Variants in MYO3B observed in about 807,000 individuals in gnomAD.
The protein encoded by MYO3B is myosin IIIB.
A neutral mutation model predicts 174.6 loss-of-function variants in MYO3B; 156 were observed. That is an observed-to-expected ratio of 0.89 (90% CI 0.78 to 1.02). The LOEUF is 1.02. MYO3B is among the 50% of genes least tolerant of loss of function. The pLI is 0.00. For missense variants in MYO3B, 1,632 were observed against 1,639.4 expected (o/e 1.00, Z 0.08); for synonymous variants, 563 against 569.1 (o/e 0.99, Z 0.15).
chr2:170,645,468 CAAAAA>C (rs55720994), intron 32 of MYO3B, among the ~76,000 whole-genome samples: 3 of 66,412 alleles, frequency 4.5e-5, no homozygotes, highest in South Asian at 5.2e-4. Flanking sequence ...GGCTCCGTCT[CAAAAA>C]AAAAAAAAAA....
At chr2:170,305,922 T>G (rs1225027688) in intron 7 of MYO3B, among the ~76,000 whole-genome samples, 2 of 152,092 alleles carry the variant, frequency 1.3e-5, no homozygotes, top group Non-Finnish European at 2.9e-5. Context: ...GCGATAAACA[T>G]TTTATTGCAT....
intron 22 of MYO3B, chr2:170,412,557 G>A (rs1231806045): frequency 6.6e-6 from 1 of 152,010 alleles, no homozygotes; most frequent in Non-Finnish European, 1.5e-5. Context: ...TTTTTTGGAT[G>A]GGGGAGACAA....
At chr2:170,510,803 T>G (rs1687930642) in intron 28 of MYO3B, among the ~76,000 whole-genome samples, 1 of 152,224 alleles carries the variant, frequency 6.6e-6, no homozygotes, top group Non-Finnish European at 1.5e-5. Flanking sequence ...GTCTTGTCCT[T>G]ATAGTCTTGA....
intron 30 of MYO3B, among the ~76,000 whole-genome samples, chr2:170,529,995 G>A (rs1219177297): frequency 6.6e-6 from 1 of 152,114 alleles, no homozygotes; most frequent in Non-Finnish European, 1.5e-5. Flanking sequence ...AAACAAATAT[G>A]CCAATATATT....
chr2:170,523,941 A>C (rs1464790881), intron 30 of MYO3B, among the ~76,000 whole-genome samples: 1 of 152,202 alleles, frequency 6.6e-6, no homozygotes, highest in Non-Finnish European at 1.5e-5. Flanking sequence ...CAAAGAAGAA[A>C]GGAAGAGGGA....
Position 170,310,190 on chromosome 2 carries a change from G to A in MYO3B, c.750-25195G>A, listed in dbSNP as rs551304075. ...TCCATTGATGAACATTTGAGCTCTC[G>A]ACGAAAAGCGTCAAACTCTGTAAAA... On this transcript the variant is annotated intron_variant, in intron 7 of 34. Transcript: ENST00000408978. Among the ~76,000 whole-genome samples the A allele has an allele frequency of 1.2e-3, 178 of 152,208 alleles. 1 individual carries two copies. Among genetic ancestry groups the A allele is most frequent in the African/African-American group, 4.0e-3 (164 of 41,516 alleles).
chr2:170,463,068 A>G (rs560946244), intron 23 of MYO3B, among the ~76,000 whole-genome samples: 20 of 152,378 alleles, frequency 1.3e-4, no homozygotes, highest in Middle Eastern at 3.4e-3. Flanking sequence ...TTGGTCTCAT[A>G]TGACCTTACT....
intron 28 of MYO3B, among the ~76,000 whole-genome samples, chr2:170,512,949 T>G (rs1575099032): frequency 6.6e-6 from 1 of 152,326 alleles, no homozygotes; most frequent in Admixed American, 6.5e-5. Context: ...AGTCGCTCTC[T>G]TTTAGGGTTA....
chr2:170,623,320 C>G (rs1696098190), intron 32 of MYO3B, among the ~76,000 whole-genome samples: 1 of 152,134 alleles, frequency 6.6e-6, no homozygotes, highest in Non-Finnish European at 1.5e-5. Flanking sequence ...TCTCTGATGG[C>G]CAGTGATGAT....
At chr2:170,270,411 G>A (rs1338678708) in intron 7 of MYO3B, among the ~76,000 whole-genome samples, 1 of 152,078 alleles carries the variant, frequency 6.6e-6, no homozygotes, top group Non-Finnish European at 1.5e-5. Flanking sequence ...AAAAATGATA[G>A]GGTTTAGAAC....
chr2:170,358,759 T>A (rs1158050780), intron 8 of MYO3B, among the ~76,000 whole-genome samples: 2 of 152,188 alleles, frequency 1.3e-5, no homozygotes, highest in Non-Finnish European at 1.5e-5. Context: ...TTTGGGATTG[T>A]GGGTCTCCAA....
intron 32 of MYO3B, among the ~76,000 whole-genome samples, chr2:170,634,620 G>A: frequency 1.3e-5 from 2 of 152,296 alleles, no homozygotes; most frequent in Middle Eastern, 6.8e-3. Context: ...TTGACAAATG[G>A]GATCTAATTA....
chr2:170,347,719 A>G (rs2094027731), intron 8 of MYO3B, among the ~76,000 whole-genome samples: 1 of 152,202 alleles, frequency 6.6e-6, no homozygotes, highest in African/African-American at 2.4e-5. Flanking sequence ...TCATGATGCT[A>G]GAGTGTGCAT....
chr2:170,558,040 G>A (rs968507942), intron 32 of MYO3B, among the ~76,000 whole-genome samples: 3 of 152,256 alleles, frequency 2.0e-5, no homozygotes, highest in South Asian at 4.2e-4. Flanking sequence ...CGTGGCTCAT[G>A]CCTGTAATCC....
chr2:170,631,077 A>C (rs1270133188), intron 32 of MYO3B, among the ~76,000 whole-genome samples: 2 of 152,204 alleles, frequency 1.3e-5, no homozygotes, highest in African/African-American at 4.8e-5. Flanking sequence ...TGAGAGAAGA[A>C]GGCTTCAGAT....
chr2:170,256,210 A>G (rs2093303115), intron 7 of MYO3B, among the ~76,000 whole-genome samples: 1 of 152,256 alleles, frequency 6.6e-6, no homozygotes, highest in Admixed American at 6.5e-5. Flanking sequence ...TGGCTAACAT[A>G]TTTGAGGATA....
At chr2:170,494,409 G>A (rs891605048) in intron 25 of MYO3B, among the ~76,000 whole-genome samples, 3 of 147,562 alleles carry the variant, frequency 2.0e-5, no homozygotes, top group African/African-American at 5.4e-5. Flanking sequence ...ATTCTGCAGT[G>A]TTCTTTGGTC....
At chr2:170,634,514 C>G in intron 32 of MYO3B, among the ~76,000 whole-genome samples, 1 of 152,140 alleles carries the variant, frequency 6.6e-6, no homozygotes, top group East Asian at 1.9e-4. Context: ...ACCATAAAAA[C>G]TGTAGAAGAA....
At chr2:170,395,199 A>T (rs370785179) in intron 16 of MYO3B, among the ~76,000 whole-genome samples, 1 of 151,876 alleles carries the variant, frequency 6.6e-6, no homozygotes, top group African/African-American at 2.4e-5. Context: ...AATGATGATG[A>T]CTCCTTGTGG....
Sources: gnomAD v4.1 joint callset for allele counts (sites outside exome capture counted in the v4.1 genomes callset) on GRCh38, gnomAD v4.1.1 for gene constraint, MANE v1.5 for transcripts, NCBI Gene and HGNC (gene_info 2026-07-23, HGNC 2026-07-21) for gene names.